The following RYR1 variants were observed in gnomAD, a reference collection of about 807,000 sequenced individuals.
RYR1 encodes the protein central core disease of muscle.
In RYR1, 342 loss-of-function variants were observed where a neutral mutation model predicts 583.5. That is an observed-to-expected ratio of 0.59 (90% CI 0.54 to 0.64). The LOEUF is 0.64. RYR1 is among the 30% of genes least tolerant of loss of function. RYR1 has a pLI of 0.00. For missense variants in RYR1, 6,032 were observed against 6,917.2 expected (o/e 0.87, Z 4.54); for synonymous variants, 2,791 against 2,822.5 (o/e 0.99, Z 0.35).
chr19:38,553,212 G>A (rs574779356), intron 89 of RYR1, among the ~76,000 whole-genome samples: 1 of 151,516 alleles, frequency 6.6e-6, no homozygotes, highest in Admixed American at 6.6e-5. Context: ...GCAGGTGCCT[G>A]TAATCCCGGC....
chr19:38,521,104 G>C (rs1333342465), intron 67 of RYR1, among the ~76,000 whole-genome samples: 1 of 151,880 alleles, frequency 6.6e-6, no homozygotes, highest in African/African-American at 2.4e-5. Context: ...GCTAGACCCT[G>C]TCTCTACAAA....
At chr19:38,461,183 C>T (rs1051424784) in intron 20 of RYR1, among the ~76,000 whole-genome samples, 2 of 151,878 alleles carry the variant, frequency 1.3e-5, no homozygotes, top group Admixed American at 6.6e-5. Context: ...AAACAACCAA[C>T]ATTTTGGGAA....
intron 90 of RYR1, among the ~76,000 whole-genome samples, chr19:38,564,581 G>C (rs1370997691): frequency 2.0e-5 from 3 of 151,152 alleles, no homozygotes; most frequent in South Asian, 2.1e-4. Flanking sequence ...GCAGTGGCAC[G>C]ATCACAGCTC....
intron 22 of RYR1, among the ~76,000 whole-genome samples, chr19:38,464,399 CAG>C (rs1244899936): frequency 1.3e-5 from 2 of 149,232 alleles, no homozygotes; most frequent in African/African-American, 5.0e-5. Flanking sequence ...CAGAAAGAGA[CAG>C]GGAGACAGGA....
intron 71 of RYR1, 149 bp downstream of exon 71, chr19:38,525,651 G>C (rs1188164316): frequency 2.7e-5 from 24 of 893,536 alleles, no homozygotes; most frequent in Non-Finnish European, 2.7e-5. Flanking sequence ...TCTTTTCCGG[G>C]ATGCTGAGGA....
In RYR1 at chr19:38,517,670, T is replaced by C; in HGVS notation, c.9997T>C (p.Ser3333Pro). 1 of 1,614,074 alleles carries C rather than the reference T, an allele frequency of 6.2e-7. No individual in the cohort carries two copies. Among genetic ancestry groups the C allele is most frequent in the Non-Finnish European group, 8.5e-7 (1 of 1,180,014 alleles). The change falls in exon 66 of 106, where the codon TCC (serine) becomes CCC (proline). Residue 3333 changes from serine (S) to proline (P), a missense_variant. By Grantham distance (74) the Ser-to-Pro change is moderately conservative. Around this residue, in one of 11 missense-constraint regions of RYR1, gnomAD observed 1,493 missense variants for 1,715.5 expected, o/e 0.87. Transcript: ENST00000359596. The part of the protein sequence containing the change: ...IVNNLGIDEA[S>P]WMKRLAVFAQ... ...CAACAACCTGGGCATTGACGAGGCC[T>C]CCTGGATGAAGCGGCTGGCTGGTGG...
chr19:38,532,415 A>C, intron 76 of RYR1, 75 bp from the exon 77 acceptor site: 8 of 1,472,208 alleles, frequency 5.4e-6, no homozygotes, highest in Admixed American at 1.7e-5. Context: ...GAGCCACCGC[A>C]CCCTGCCCAG....
At chr19:38,465,648 C>T (rs1448629251) in intron 23 of RYR1, among the ~76,000 whole-genome samples, 1 of 152,088 alleles carries the variant, frequency 6.6e-6, no homozygotes, top group Non-Finnish European at 1.5e-5. Context: ...CCTGTAATCC[C>T]TGCTACTCCG....
intron 89 of RYR1, among the ~76,000 whole-genome samples, chr19:38,558,477 A>G (rs533507215): frequency 6.6e-6 from 1 of 152,288 alleles, no homozygotes; most frequent in Admixed American, 6.5e-5. Flanking sequence ...TACAACTACT[A>G]TGTACCCACA....
intron 47 of RYR1, 35 bp from the exon 48 acceptor site, chr19:38,502,472 T>C (rs1970167856): frequency 1.3e-6 from 2 of 1,576,634 alleles, no homozygotes; most frequent in Non-Finnish European, 1.7e-6. Context: ...CCCAGGGGTG[T>C]GCAGCGGGCC....
intron 90 of RYR1, among the ~76,000 whole-genome samples, chr19:38,563,652 G>A (rs1973256003): frequency 6.6e-6 from 1 of 152,192 alleles, no homozygotes; most frequent in Non-Finnish European, 1.5e-5. Flanking sequence ...ACCCTATAAT[G>A]TAGGTCCTAT....
chr19:38,511,988 G>C (rs1970746575), intron 61 of RYR1, 84 bp from the exon 62 acceptor site: 13 of 1,473,484 alleles, frequency 8.8e-6, no homozygotes, highest in Non-Finnish European at 1.2e-5. Flanking sequence ...CTCAGGAAGA[G>C]AGCGGTTGGG....
At chr19:38,491,347 C>T (rs2145566496) in intron 37 of RYR1, among the ~76,000 whole-genome samples, 1 of 151,880 alleles carries the variant, frequency 6.6e-6, no homozygotes, top group South Asian at 2.1e-4. Flanking sequence ...TTTTCTGCCC[C>T]TTTCCTCTTC....
At chr19:38,526,971 C>G (rs763950955) in intron 71 of RYR1, 22 bp from the exon 72 acceptor site, 11 of 1,613,548 alleles carry the variant, frequency 6.8e-6, no homozygotes, top group Non-Finnish European at 8.5e-7. Context: ...CAGAGTGACC[C>G]AGCCTGGCTC....
In RYR1 at chr19:38,433,770, G is replaced by T; in HGVS notation, c.-60G>T. ...AGCCCGCCCCCAGCCCTCCCGCCCA[G>T]CCCGCAGCCCCCTCCCTCTGTTCCC... On this transcript the variant is annotated 5_prime_UTR_variant, in exon 1 of 106. Coordinates refer to ENST00000359596, the MANE Select transcript of RYR1 (RefSeq NM_000540.3). The T allele has an allele frequency of 3.9e-6, 1 of 255,156 alleles. No homozygotes were observed. The highest frequency in any genetic ancestry group is 7.3e-6 in the Non-Finnish European group (1 of 136,600). 15.8% of individuals were successfully genotyped at this position (255,156 alleles called of 1,614,324 possible).
rs542262920 is a variant in RYR1 at position 38,438,808 on chromosome 19, C to T, written c.46-1937C>T. Among the ~76,000 whole-genome samples, 270 of 151,724 alleles carry T rather than the reference C, an allele frequency of 1.8e-3. 1 individual carries two copies. The highest frequency in any genetic ancestry group is 3.4e-3 in the Middle Eastern group (1 of 294). On this transcript the variant is annotated intron_variant, in intron 1 of 105. Coordinates refer to ENST00000359596, the MANE Select transcript of RYR1 (RefSeq NM_000540.3). ...TAATTTTTTGTATTTTTAGTAGAGA[C>T]GGGGTTTCACCATGTTAGCCAGGAT...
At chr19:38,567,980 C>T in intron 93 of RYR1, 63 bp downstream of exon 93, 1 of 1,569,188 alleles carries the variant, frequency 6.4e-7, no homozygotes, top group Non-Finnish European at 8.7e-7. Context: ...CTGGTGCCCA[C>T]CTCTCCTGCT....
rs572373150 is a variant in RYR1, at chr19:38,561,237, G to A, written c.12407G>A (p.Arg4136His). Residue 4136 changes from arginine (R) to histidine (H), a missense_variant, in exon 90 of 106, where the codon CGC (arginine) becomes CAC (histidine). Arg to His is a conservative substitution (Grantham distance 29). Transcript: ENST00000359596. The surrounding 1 kb of genome is among the most constrained non-coding windows in gnomAD (Gnocchi z 4.8). ...GCCAACCGCTTCCAGGAGCCAGCAC[G>A]CGACATCGGCTTCAACGTGGCGGTG... ...EFANRFQEPARDIGFNVAVLL... is the reference protein window; with the variant it reads ...EFANRFQEPAHDIGFNVAVLL... 6.2e-6 allele frequency: 10 copies of A among 1,614,074 alleles called. No homozygotes were observed. In the Admixed American group the frequency reaches 1.5e-4, roughly 24 times the overall value.
At chr19:38,539,293 T>C (rs991968418) in intron 84 of RYR1, among the ~76,000 whole-genome samples, 6 of 148,558 alleles carry the variant, frequency 4.0e-5, no homozygotes, top group African/African-American at 1.5e-4. Context: ...CAGACTGGAG[T>C]GCAGTGGTGT....
Sources: allele counts gnomAD v4.1 joint callset (sites outside exome capture counted in the v4.1 genomes callset), GRCh38; gene constraint gnomAD v4.1.1; regional missense constraint gnomAD v4.1.1; non-coding constraint Gnocchi (gnomAD v3.1); transcripts MANE v1.5; gene names NCBI Gene and HGNC (gene_info 2026-07-23, HGNC 2026-07-21).